The following LRRTM4 variants were observed in gnomAD, a reference collection of about 807,000 sequenced individuals.
LRRTM4 encodes the protein leucine-rich repeat transmembrane neuronal protein 4.
A neutral mutation model predicts 47.6 loss-of-function variants in LRRTM4; 25 were observed. The observed-to-expected ratio is 0.53, with a 90% confidence interval of 0.38 to 0.73. LRRTM4 has a LOEUF of 0.73. Ranked by LOEUF, LRRTM4 falls within the 30% of genes least tolerant of loss-of-function variation. The pLI is 0.00. For synonymous variants in LRRTM4, 311 were observed against 269.5 expected, an observed-to-expected ratio of 1.15 and a Z score of -1.51; for missense variants, 638 against 713.4, an observed-to-expected ratio of 0.89 and a Z score of 1.20.
chr2:77,452,962 G>A (rs1411255669), intron 3 of LRRTM4, among the ~76,000 whole-genome samples: 2 of 151,924 alleles, frequency 1.3e-5, no homozygotes, highest in Non-Finnish European at 2.9e-5. Flanking sequence ...TAATTTCTAT[G>A]TGACCTTATA....
At chr2:77,115,647 A>G (rs1363012925) in intron 3 of LRRTM4, among the ~76,000 whole-genome samples, 1 of 152,220 alleles carries the variant, frequency 6.6e-6, no homozygotes, top group Non-Finnish European at 1.5e-5. Context: ...GGAACTTGGT[A>G]GCAAGATGAT....
At chr2:77,335,314 G>A (rs1351538240) in intron 3 of LRRTM4, among the ~76,000 whole-genome samples, 4 of 152,102 alleles carry the variant, frequency 2.6e-5, no homozygotes, top group South Asian at 2.1e-4. Context: ...ATGATTTTAT[G>A]ACCTCTATTT....
intron 3 of LRRTM4, among the ~76,000 whole-genome samples, chr2:77,376,989 C>A (rs1350303691): frequency 6.6e-6 from 1 of 151,678 alleles, no homozygotes; most frequent in East Asian, 1.9e-4. Context: ...TTTATTTATT[C>A]AATCAATTAT....
intron 3 of LRRTM4, among the ~76,000 whole-genome samples, chr2:77,174,196 A>G (rs1471692604): frequency 1.3e-5 from 2 of 151,972 alleles, no homozygotes; most frequent in Admixed American, 6.6e-5. Context: ...GGTGGTTCTT[A>G]TTCTAGGTAA....
chr2:77,207,372 T>TATACAC (rs59335400), intron 3 of LRRTM4, among the ~76,000 whole-genome samples: 7 of 131,090 alleles, frequency 5.3e-5, no homozygotes, highest in South Asian at 5.0e-4. Context: ...TATATATATA[T>TATACAC]ACACACACAC....
At chr2:77,149,492 A>G (rs1275172551) in intron 3 of LRRTM4, among the ~76,000 whole-genome samples, 3 of 152,162 alleles carry the variant, frequency 2.0e-5, no homozygotes, top group African/African-American at 7.2e-5. Flanking sequence ...TCTTTATGTT[A>G]AGAGCTTCTG....
chr2:77,302,760 G>A (rs1015980660), intron 3 of LRRTM4, among the ~76,000 whole-genome samples: 2 of 152,124 alleles, frequency 1.3e-5, no homozygotes, highest in African/African-American at 2.4e-5. Flanking sequence ...ACGTGCACAC[G>A]CCCCTTCCTG....
intron 3 of LRRTM4, among the ~76,000 whole-genome samples, chr2:77,372,383 T>C (rs760881848): frequency 6.6e-6 from 1 of 151,752 alleles, no homozygotes; most frequent in Non-Finnish European, 1.5e-5. Flanking sequence ...GACTGAATGT[T>C]CTCTATCTGT....
intron 3 of LRRTM4, among the ~76,000 whole-genome samples, chr2:76,929,366 G>A (rs1295332035): frequency 6.6e-6 from 1 of 152,140 alleles, no homozygotes; most frequent in Non-Finnish European, 1.5e-5. Context: ...GTCCATGGCT[G>A]CTTTCATGCT....
intron 3 of LRRTM4, among the ~76,000 whole-genome samples, chr2:77,166,565 G>C (rs907493354): frequency 6.6e-6 from 1 of 152,200 alleles, no homozygotes; most frequent in African/African-American, 2.4e-5. Flanking sequence ...ATATTACAAG[G>C]CTACAGTAAC....
At chr2:77,238,010 CAGGT>C (rs1212246136) in intron 3 of LRRTM4, among the ~76,000 whole-genome samples, 4 of 152,008 alleles carry the variant, frequency 2.6e-5, no homozygotes, top group Admixed American at 2.6e-4. Flanking sequence ...GAAATGAAGA[CAGGT>C]AGGTCAAAAG....
At chr2:76,934,358 C>T (rs1009454839) in intron 3 of LRRTM4, among the ~76,000 whole-genome samples, 2 of 152,092 alleles carry the variant, frequency 1.3e-5, no homozygotes, top group African/African-American at 4.8e-5. Context: ...TTAAGGTAGT[C>T]TGAATACCAG....
chr2:77,215,408 A>G (rs1275003942), intron 3 of LRRTM4, among the ~76,000 whole-genome samples: 2 of 152,218 alleles, frequency 1.3e-5, no homozygotes, highest in African/African-American at 2.4e-5. Flanking sequence ...ATGTGGTACA[A>G]TTGGACACTT....
intron 3 of LRRTM4, among the ~76,000 whole-genome samples, chr2:77,262,356 G>T (rs4407275): frequency 0.12 from 18,698 of 152,016 alleles, 3,858 homozygotes; most frequent in African/African-American, 0.42. Context: ...TGCCAGAAAG[G>T]TTGGGGATCA....
intron 3 of LRRTM4, among the ~76,000 whole-genome samples, chr2:76,978,736 G>C (rs534207462): frequency 6.6e-6 from 1 of 152,164 alleles, no homozygotes; most frequent in Non-Finnish European, 1.5e-5. Flanking sequence ...TTCTCAAGGA[G>C]ATGGCTTGCA....
intron 3 of LRRTM4, among the ~76,000 whole-genome samples, chr2:77,483,118 C>CAAAAAAAAAAAAAAAAAAAAAAAA (rs776265725): frequency 6.6e-5 from 4 of 60,594 alleles, no homozygotes; most frequent in Non-Finnish European, 8.4e-5. Context: ...AAGACTGTCT[C>CAAAAAAAAAAAAAAAAAAAAAAAA]AAAAAAAAAA....
At chr2:77,046,709 G>T (rs1036324256) in intron 3 of LRRTM4, among the ~76,000 whole-genome samples, 5 of 151,876 alleles carry the variant, frequency 3.3e-5, no homozygotes, top group African/African-American at 1.2e-4. Context: ...AAAAAGCATA[G>T]AGAAAAAGGC....
intron 3 of LRRTM4, among the ~76,000 whole-genome samples, chr2:77,209,074 G>T (rs1041150826): frequency 6.6e-6 from 1 of 151,944 alleles, no homozygotes; most frequent in Non-Finnish European, 1.5e-5. Context: ...TATCACCAGC[G>T]CTCTCTCCTC....
intron 3 of LRRTM4, among the ~76,000 whole-genome samples, chr2:77,054,827 G>C (rs559238652): frequency 6.6e-6 from 1 of 152,168 alleles, no homozygotes; most frequent in African/African-American, 2.4e-5. Flanking sequence ...AGTAAAGCAG[G>C]CATCAGTGAC....
Sources: allele counts gnomAD v4.1 joint callset (sites outside exome capture counted in the v4.1 genomes callset), GRCh38; gene constraint gnomAD v4.1.1; transcripts MANE v1.5; gene names NCBI Gene and HGNC (gene_info 2026-07-23, HGNC 2026-07-21).